FRMPD4: variants seen among roughly 807,000 people sequenced by gnomAD.
FRMPD4 encodes FERM and PDZ domain containing 4.
FRMPD4 carries 22 observed loss-of-function variants against 94.1 expected under a neutral mutation model. The observed-to-expected ratio is 0.23, with a 90% CI of 0.17 to 0.33. The LOEUF (loss-of-function observed/expected upper bound fraction) is 0.33. FRMPD4 is among the 10% of genes least tolerant of loss of function. The probability of loss-of-function intolerance (pLI) is 1.00; values close to 1 mark genes in which losing one functional copy is unlikely to be tolerated. For synonymous variants in FRMPD4, 631 were observed against 548.6 expected, an observed-to-expected ratio of 1.15 and a Z score of -2.10; for missense variants, 1,111 against 1,339.9, an observed-to-expected ratio of 0.83 and a Z score of 2.67.
chrX:12,591,652 G>A, intron 2 of FRMPD4, among the ~76,000 whole-genome samples: 1 of 112,204 alleles, frequency 8.9e-6, no homozygotes, highest in African/African-American at 3.2e-5. Flanking sequence ...CAGATGAGCT[G>A]CAAAGTCTAT....
chrX:11,833,065 A>C (rs1248309682), intron 1 of FRMPD4, among the ~76,000 whole-genome samples: 1 of 112,486 alleles, frequency 8.9e-6, no homozygotes, highest in Non-Finnish European at 1.9e-5. Context: ...CCTTTAACAG[A>C]ATGTCATATA....
chrX:12,003,777 A>G (rs1415513297), intron 3 of FRMPD4, among the ~76,000 whole-genome samples: 1 of 111,888 alleles, frequency 8.9e-6, no homozygotes, highest in Non-Finnish European at 1.9e-5. Flanking sequence ...GGTTCCTTTC[A>G]CTTTCCCCTT....
intron 9 of FRMPD4, among the ~76,000 whole-genome samples, chrX:12,697,940 G>A (rs1020230069): frequency 6.2e-5 from 7 of 112,193 alleles, no homozygotes; most frequent in African/African-American, 1.9e-4. Flanking sequence ...CTTTGCCTCA[G>A]ACCCTCTTCT....
chrX:12,564,219 A>G (rs966320673), intron 2 of FRMPD4, among the ~76,000 whole-genome samples: 4 of 112,384 alleles, frequency 3.6e-5, no homozygotes, highest in Non-Finnish European at 7.5e-5. Context: ...AAATTCTATC[A>G]CATTGAGGAT....
At chrX:12,294,451 T>C (rs1251933094) in intron 1 of FRMPD4, among the ~76,000 whole-genome samples, 1 of 91,830 alleles carries the variant, frequency 1.1e-5, no homozygotes, top group Non-Finnish European at 2.1e-5. Context: ...AAAACTTGGC[T>C]ATAAACTCAT....
intron 4 of FRMPD4, among the ~76,000 whole-genome samples, chrX:12,644,066 CT>C (rs781752760): frequency 1.2e-3 from 134 of 107,966 alleles, no homozygotes; most frequent in African/African-American, 3.9e-3. Flanking sequence ...TTGAGCTCAT[CT>C]TTTTTTTTTC....
intron 3 of FRMPD4, among the ~76,000 whole-genome samples, chrX:12,021,445 T>TTCA (rs200940837): frequency 0.012 from 1,303 of 111,828 alleles, 5 homozygotes; most frequent in South Asian, 0.019. Flanking sequence ...TAACAAAATA[T>TTCA]TCATTTGGGG....
At chrX:12,266,749 T>C (rs1335655723) in intron 1 of FRMPD4, among the ~76,000 whole-genome samples, 1 of 111,758 alleles carries the variant, frequency 8.9e-6, no homozygotes, top group East Asian at 2.8e-4. Context: ...GCTTTTGTGT[T>C]TGCATTCTTT....
Position 12,008,496 on chromosome X carries a change from A to G in FRMPD4, c.95+130478A>G, listed in dbSNP as rs1286629395. Reference sequence around the variant, plus strand: ...TTTTTCTTATTTTAAACACATTGTAATCTCAAATATATGTGCCTTTGCAGG... The same window carrying G: ...TTTTTCTTATTTTAAACACATTGTAGTCTCAAATATATGTGCCTTTGCAGG... On this transcript the variant is annotated intron_variant, in intron 3 of 18. Coordinates refer to the FRMPD4 transcript ENST00000640291. Among the ~76,000 whole-genome samples the G allele has an allele frequency of 2.7e-5, 3 of 112,639 alleles. No homozygotes were observed. The East Asian group carries it at 8.3e-4, about 31-fold the overall frequency.
intron 1 of FRMPD4, among the ~76,000 whole-genome samples, chrX:12,361,017 G>A (rs2055981100): frequency 9.2e-6 from 1 of 109,051 alleles, no homozygotes. Context: ...GAAGCTCTGA[G>A]GCTTTGGAAA....
intron 3 of FRMPD4, among the ~76,000 whole-genome samples, chrX:11,878,450 T>C (rs928797765): frequency 1.8e-5 from 2 of 112,474 alleles, no homozygotes; most frequent in Non-Finnish European, 3.8e-5. Context: ...CTTTTAAAGA[T>C]GCTGTCTTCT....
chrX:12,719,842 T>C (rs1230605262), intron 16 of FRMPD4, among the ~76,000 whole-genome samples: 1 of 108,683 alleles, frequency 9.2e-6, no homozygotes, highest in Non-Finnish European at 1.9e-5. Context: ...ATGACAGCTT[T>C]TCTTAAAGAA....
intron 2 of FRMPD4, among the ~76,000 whole-genome samples, chrX:12,601,791 T>G (rs984020193): frequency 6.3e-5 from 7 of 111,423 alleles, no homozygotes; most frequent in Admixed American, 5.7e-4. Context: ...CCCCTGAAGT[T>G]CACTGACTGC....
Position 12,720,711 on chromosome X carries a change from G to A in FRMPD4, c.4142G>A (p.Ser1381Asn). The A allele has an allele frequency of 9.3e-7, 1 of 1,070,800 alleles. No individual in the cohort carries two copies. The highest frequency in any genetic ancestry group is 1.2e-6 in the Non-Finnish European group (1 of 829,966). The allele number at this position is 1,070,800 out of a possible 1,213,427, so 88.2% of individuals were successfully genotyped here. ...AATCAGGCATACGGAGAGGCTGTGA[G>A]CTGGCGGCCACCGGATCTGAGAGGG... ...QANQAYGEAV[S>N]WRPPDLRGGS... Residue 1381 changes from serine (S) to asparagine (N), a missense_variant, in exon 17 of 17, where the codon AGC becomes AAC. This residue lies in a region of FRMPD4 where 551 missense variants were observed against 591.6 expected (regional missense o/e 0.93). Coordinates refer to ENST00000675598, the MANE Select transcript of FRMPD4 (RefSeq NM_001368397.1).
At chrX:12,608,760 C>T (rs1254034948) in intron 2 of FRMPD4, among the ~76,000 whole-genome samples, 1 of 112,625 alleles carries the variant, frequency 8.9e-6, no homozygotes, top group African/African-American at 3.2e-5. Flanking sequence ...GTGCCAGATA[C>T]AGTTCTAGGC....
intron 9 of FRMPD4, among the ~76,000 whole-genome samples, chrX:12,700,479 C>T (rs747193444): frequency 8.9e-6 from 1 of 112,102 alleles, no homozygotes; most frequent in East Asian, 2.8e-4. Flanking sequence ...GATACTACTC[C>T]AAAGCCAACC....
At chrX:12,193,064 G>A (rs961622683) in intron 1 of FRMPD4, among the ~76,000 whole-genome samples, 16 of 111,510 alleles carry the variant, frequency 1.4e-4, no homozygotes, top group Non-Finnish European at 2.6e-4. Context: ...TTAAGGCATC[G>A]GCAAAAATTG....
chrX:12,162,714 A>G (rs1266588605), intron 1 of FRMPD4, among the ~76,000 whole-genome samples: 1 of 111,695 alleles, frequency 9.0e-6, no homozygotes, highest in African/African-American at 3.3e-5. Context: ...ATCAAGGAAG[A>G]ACATCTGGGA....
intron 1 of FRMPD4, among the ~76,000 whole-genome samples, chrX:12,388,840 TATATATATATAC>T (rs1445033627): frequency 1.2e-5 from 1 of 83,475 alleles, no homozygotes; most frequent in African/African-American, 5.1e-5. Context: ...TATATATATA[TATATATATATAC>T]ACACAATGGA....
Sources: gnomAD v4.1 joint callset for allele counts (sites outside exome capture counted in the v4.1 genomes callset) on GRCh38, gnomAD v4.1.1 for gene constraint, gnomAD v4.1.1 regional missense constraint, MANE v1.5 for transcripts, NCBI Gene and HGNC (gene_info 2026-07-23, HGNC 2026-07-21) for gene names.